SARNP: variants seen among roughly 807,000 people sequenced by gnomAD.
SARNP encodes the protein SAP domain-containing ribonucleoprotein.
A neutral mutation model predicts 38.1 loss-of-function variants in SARNP; 5 were observed. That is an observed-to-expected ratio of 0.13 (90% confidence interval 0.07 to 0.28). SARNP has a LOEUF of 0.28. Ranked by LOEUF, SARNP falls within the 10% of genes least tolerant of loss-of-function variation. The probability of loss-of-function intolerance (pLI) is 1.00; values close to 1 mark genes in which losing one functional copy is unlikely to be tolerated. For synonymous variants in SARNP, 84 were observed against 80.6 expected (o/e 1.04, Z -0.23); for missense variants, 180 against 243.9 (o/e 0.74, Z 1.75).
intron 9 of SARNP, among the ~76,000 whole-genome samples, chr12:55,766,779 C>T (rs915608143): frequency 5.3e-5 from 8 of 152,118 alleles, no homozygotes; most frequent in African/African-American, 1.2e-4. Context: ...CAAGCCAACA[C>T]GCCCAACTAA....
intron 10 of SARNP, among the ~76,000 whole-genome samples, chr12:55,760,113 C>T (rs991439820): frequency 6.6e-6 from 1 of 152,224 alleles, no homozygotes; most frequent in Non-Finnish European, 1.5e-5. Context: ...CAGACTCTAA[C>T]ACTGAATTAA....
rs1879589572 is a variant in SARNP, at chr12:55,789,121, T to G, written c.455A>C (p.Glu152Ala). 1 of 1,602,034 alleles carries G rather than the reference T, an allele frequency of 6.2e-7. No homozygotes were observed. Among genetic ancestry groups the G allele is most frequent in the African/African-American group, 1.3e-5 (1 of 74,272 alleles). The change falls in exon 9 of 11, where the codon GAA (glutamate) becomes GCA (alanine). Residue 152 changes from glutamate to alanine, a missense_variant. Physicochemically the swap from Glu to Ala is moderately radical, Grantham distance 107. Transcript: ENST00000336133. ...ATTCAAACCAAATCTTTGAGCTCTTTCCTTCAGCTTATCCAAGTTAACCTA... is the reference window on the plus strand; with the variant it reads ...ATTCAAACCAAATCTTTGAGCTCTTGCCTTCAGCTTATCCAAGTTAACCTA... ...KPMVNLDKLKERAQRFGLNVS... is the reference protein window; with the variant it reads ...KPMVNLDKLKARAQRFGLNVS...
At chr12:55,784,955 T>G (rs1300060298) in intron 9 of SARNP, among the ~76,000 whole-genome samples, 2 of 152,226 alleles carry the variant, frequency 1.3e-5, no homozygotes, top group Non-Finnish European at 2.9e-5. Flanking sequence ...CCATACATAT[T>G]CTAGTAAAGT....
intron 9 of SARNP, among the ~76,000 whole-genome samples, chr12:55,778,828 G>A (rs1323284579): frequency 1.3e-5 from 2 of 152,016 alleles, no homozygotes; most frequent in African/African-American, 2.4e-5. Flanking sequence ...AAAATTAGCC[G>A]GGCATGGTGG....
chr12:55,811,762 T>G lies in SARNP; in HGVS notation c.36+5904A>C, dbSNP rs975452433. On this transcript the variant is annotated intron_variant, in intron 1 of 10. Coordinates refer to ENST00000336133, the MANE Select transcript of SARNP (RefSeq NM_033082.4). ...TCCACTCAAACCTGTAAATATTCAC[T>G]AAGATTCCTTCTTTGGGCGTCTTGT... Among the ~76,000 whole-genome samples the G allele has an allele frequency of 2.0e-5, 3 of 152,216 alleles. No individual in the cohort carries two copies. In the South Asian group the frequency reaches 6.2e-4, roughly 31 times the overall value.
intron 1 of SARNP, among the ~76,000 whole-genome samples, chr12:55,817,109 G>A (rs1880512777): frequency 6.6e-6 from 1 of 152,132 alleles, no homozygotes; most frequent in African/African-American, 2.4e-5. Flanking sequence ...CTTCTAAGGC[G>A]AGACCGATCT....
chr12:55,789,039 G>A lies in SARNP; in HGVS notation c.501+36C>T, dbSNP rs753179178. On this transcript the variant is annotated intron_variant, in intron 9 of 10. Transcript: ENST00000336133. Reference sequence around the variant, plus strand: ...TGTAGTTCCCATAAGCTGCTCTAATGTCACAAAAACATTACTTCCATCGAG... The same window carrying A: ...TGTAGTTCCCATAAGCTGCTCTAATATCACAAAAACATTACTTCCATCGAG... 2.8e-6 allele frequency: 4 copies of A among 1,438,840 alleles called. No homozygotes were observed. In the Admixed American group the frequency reaches 7.1e-5, roughly 26 times the overall value. The allele number at this position is 1,438,840 out of a possible 1,614,324, so 89.1% of individuals were successfully genotyped here.
At chr12:55,815,258 C>T (rs1880448036) in intron 1 of SARNP, among the ~76,000 whole-genome samples, 1 of 152,090 alleles carries the variant, frequency 6.6e-6, no homozygotes, top group Non-Finnish European at 1.5e-5. Context: ...CAGGGTCTCA[C>T]TATGTTACCT....
chr12:55,809,155 G>A (rs1224437912), intron 1 of SARNP, among the ~76,000 whole-genome samples: 4 of 151,822 alleles, frequency 2.6e-5, no homozygotes, highest in African/African-American at 9.7e-5. Context: ...GCAGTGAGCC[G>A]AGATCATGCC....
intron 1 of SARNP, among the ~76,000 whole-genome samples, chr12:55,808,989 T>C (rs1295001161): frequency 6.6e-6 from 1 of 152,128 alleles, no homozygotes; most frequent in Non-Finnish European, 1.5e-5. Context: ...GGCAGATCAC[T>C]TGAGTCCAGG....
At chr12:55,757,087 C>T (rs540355211), downstream of SARNP, 1 of 153,062 alleles carries the variant, frequency 6.5e-6, no homozygotes, top group African/African-American at 2.4e-5. Context: ...ATAAAAAATG[C>T]TTGTGAGTAT....
chr12:55,758,688 C>T (rs868350123), intron 10 of SARNP, among the ~76,000 whole-genome samples: 3 of 151,960 alleles, frequency 2.0e-5, no homozygotes, highest in Admixed American at 6.6e-5. Flanking sequence ...CCTGTTGGTA[C>T]TGTCCTCAAG....
At chr12:55,779,920 G>A (rs1222710481) in intron 9 of SARNP, among the ~76,000 whole-genome samples, 7 of 152,186 alleles carry the variant, frequency 4.6e-5, no homozygotes, top group African/African-American at 9.7e-5. Context: ...ACCAAGGCGG[G>A]AGGATCACTT....
At chr12:55,816,763 C>G (rs886366023) in intron 1 of SARNP, among the ~76,000 whole-genome samples, 5 of 152,002 alleles carry the variant, frequency 3.3e-5, no homozygotes, top group Admixed American at 6.6e-5. Context: ...TTAAAATGTT[C>G]TTCTTTTTAA....
rs1879760661 is a variant in SARNP, at chr12:55,794,404, A to C, written c.378-17T>G. On this transcript the variant is annotated splice_polypyrimidine_tract_variant and intron_variant, in intron 6 of 10. Coordinates refer to ENST00000336133, the MANE Select transcript of SARNP (RefSeq NM_033082.4). Reference sequence around the variant, plus strand: ...ATCCCAAACCTGAAGAAGGAAAAACAAACTAAATTTTAGGAAGCTGTTCAC... The same window carrying C: ...ATCCCAAACCTGAAGAAGGAAAAACCAACTAAATTTTAGGAAGCTGTTCAC... The C allele has an allele frequency of 2.5e-6, 4 of 1,606,256 alleles. No individual in the cohort carries two copies. Among genetic ancestry groups the C allele is most frequent in the South Asian group, 1.1e-5 (1 of 89,026 alleles).
At chr12:55,776,526 T>G (rs1879187217) in intron 9 of SARNP, among the ~76,000 whole-genome samples, 1 of 152,230 alleles carries the variant, frequency 6.6e-6, no homozygotes, top group South Asian at 2.1e-4. Flanking sequence ...TATAAATAGC[T>G]GTTATACAAT....
intron 8 of SARNP, 72 bp downstream of exon 8, chr12:55,790,492 GGGA>G: frequency 2.8e-6 from 4 of 1,447,012 alleles, no homozygotes; most frequent in Non-Finnish European, 3.7e-6. Context: ...CTCTAATCTG[GGGA>G]GGAGGAGTCT....
At chr12:55,767,396 A>T (rs551692672) in intron 9 of SARNP, among the ~76,000 whole-genome samples, 23 of 151,948 alleles carry the variant, frequency 1.5e-4, no homozygotes, top group African/African-American at 5.6e-4. Flanking sequence ...AAAAAAAAAA[A>T]AATTTAGCTG....
At chr12:55,791,605 G>A (rs1431662683) in intron 7 of SARNP, among the ~76,000 whole-genome samples, 1 of 152,170 alleles carries the variant, frequency 6.6e-6, no homozygotes, top group Non-Finnish European at 1.5e-5. Flanking sequence ...TGAGACAGGA[G>A]AATTGCTTGA....
Sources: gnomAD v4.1 joint callset for allele counts (sites outside exome capture counted in the v4.1 genomes callset) on GRCh38, gnomAD v4.1.1 for gene constraint, MANE v1.5 for transcripts, NCBI Gene and HGNC (gene_info 2026-07-23, HGNC 2026-07-21) for gene names.